The following UBASH3B variants were observed in gnomAD, a reference collection of about 807,000 sequenced individuals.
UBASH3B encodes the protein ubiquitin-associated and SH3 domain-containing protein B.
UBASH3B carries 37 observed loss-of-function variants against 83.4 expected under a neutral mutation model. The observed-to-expected ratio is 0.44, with a 90% CI of 0.34 to 0.58. The LOEUF (loss-of-function observed/expected upper bound fraction) is 0.58, where lower values mean the gene tolerates loss of function less well. Among genes scored for constraint, UBASH3B ranks in the 20% least tolerant of loss-of-function variants. The pLI, the probability that UBASH3B is intolerant of heterozygous loss-of-function variation, is 0.01. For missense variants in UBASH3B, 657 were observed against 827.2 expected (o/e 0.79, Z 2.52); for synonymous variants, 304 against 318.3 (o/e 0.96, Z 0.48).
chr11:122,749,434 G>A (rs1189754345), intron 1 of UBASH3B, among the ~76,000 whole-genome samples: 1 of 152,186 alleles, frequency 6.6e-6, no homozygotes, highest in Non-Finnish European at 1.5e-5. Flanking sequence ...ATTGTGCTTT[G>A]CATCTTACAT....
intron 1 of UBASH3B, among the ~76,000 whole-genome samples, chr11:122,751,583 T>C (rs1861200277): frequency 6.6e-6 from 1 of 152,236 alleles, no homozygotes; most frequent in Non-Finnish European, 1.5e-5. Context: ...GCCAGAACTG[T>C]TGTGCTGGCT....
At chr11:122,707,155 G>C (rs780215653) in intron 1 of UBASH3B, among the ~76,000 whole-genome samples, 1 of 152,008 alleles carries the variant, frequency 6.6e-6, no homozygotes, top group Admixed American at 6.6e-5. Context: ...ATCCACCCCC[G>C]CCTACCCCAT....
intron 1 of UBASH3B, among the ~76,000 whole-genome samples, chr11:122,765,087 CT>C (rs140210194): frequency 0.21 from 30,178 of 146,728 alleles, 3,441 homozygotes; most frequent in Non-Finnish European, 0.26. Flanking sequence ...CATAAAAGCC[CT>C]TTTTTTTTTT....
At chr11:122,791,173 C>T (rs1275917125) in intron 6 of UBASH3B, among the ~76,000 whole-genome samples, 1 of 152,204 alleles carries the variant, frequency 6.6e-6, no homozygotes, top group African/African-American at 2.4e-5. Flanking sequence ...AAACTAACAG[C>T]TTCCACAGCC....
chr11:122,729,070 A>G (rs1252091028), intron 1 of UBASH3B, among the ~76,000 whole-genome samples: 3 of 152,194 alleles, frequency 2.0e-5, no homozygotes, highest in Admixed American at 2.0e-4. Flanking sequence ...AAGTAGAGGG[A>G]GTACCAGAGA....
intron 1 of UBASH3B, among the ~76,000 whole-genome samples, chr11:122,701,491 TCA>T (rs780174979): frequency 5.3e-5 from 8 of 152,104 alleles, no homozygotes; most frequent in Non-Finnish European, 1.0e-4. Flanking sequence ...TGGGTAATAC[TCA>T]CAGTTTCCAA....
chr11:122,744,908 C>CAG (rs57081785), intron 1 of UBASH3B, among the ~76,000 whole-genome samples: 2 of 135,910 alleles, frequency 1.5e-5, no homozygotes, highest in East Asian at 4.3e-4. Flanking sequence ...TGCGCGCGCG[C>CAG]GCGCACTTGG....
intron 1 of UBASH3B, among the ~76,000 whole-genome samples, chr11:122,673,515 T>C (rs1012899308): frequency 2.0e-5 from 3 of 152,130 alleles, no homozygotes; most frequent in South Asian, 2.1e-4. Context: ...AAAAATTAGC[T>C]AGGCATGGTG....
At chr11:122,778,607 C>CTTT (rs960498187) in intron 3 of UBASH3B, among the ~76,000 whole-genome samples, 1 of 62,530 alleles carries the variant, frequency 1.6e-5, no homozygotes, top group Non-Finnish European at 3.3e-5. Flanking sequence ...TTTTCTTTTT[C>CTTT]TTTTTTTTTT....
intron 1 of UBASH3B, among the ~76,000 whole-genome samples, chr11:122,716,223 G>A (rs1860523037): frequency 6.6e-6 from 1 of 152,234 alleles, no homozygotes; most frequent in Admixed American, 6.5e-5. Context: ...CCAGACTGGA[G>A]TGCAGTGGCT....
intron 1 of UBASH3B, among the ~76,000 whole-genome samples, chr11:122,662,972 CTTTTTTTTTTT>C: frequency 9.0e-6 from 1 of 110,588 alleles, no homozygotes; most frequent in East Asian, 2.8e-4. Flanking sequence ...GCGCTAATGT[CTTTTTTTTTTT>C]TTTTTTTTTT....
At chr11:122,788,089 C>T (rs1860985535) in intron 5 of UBASH3B, among the ~76,000 whole-genome samples, 1 of 152,228 alleles carries the variant, frequency 6.6e-6, no homozygotes, top group African/African-American at 2.4e-5. Context: ...AAATAGCCAA[C>T]TGGCATGGCC....
At chr11:122,733,765 ATGTCT>A (rs1350104311) in intron 1 of UBASH3B, among the ~76,000 whole-genome samples, 1 of 152,242 alleles carries the variant, frequency 6.6e-6, no homozygotes, top group South Asian at 2.1e-4. Context: ...AGAAGAAGTA[ATGTCT>A]TGTCTTATTG....
At chr11:122,725,328 CAAAAAA>C (rs527272428) in intron 1 of UBASH3B, among the ~76,000 whole-genome samples, 2,401 of 87,972 alleles carry the variant, frequency 0.027, 89 homozygotes, top group African/African-American at 0.097. Flanking sequence ...GCACCATAAA[CAAAAAA>C]AAAAAAAAAA....
At chr11:122,744,073 A>T (rs1328275482) in intron 1 of UBASH3B, among the ~76,000 whole-genome samples, 1 of 152,148 alleles carries the variant, frequency 6.6e-6, no homozygotes, top group Non-Finnish European at 1.5e-5. Flanking sequence ...CGTCAGTGAG[A>T]TGTCCCTTTT....
In UBASH3B at chr11:122,813,063, TTTTA is replaced by T. The variant is rs1255853621; in HGVS notation, c.*3178_*3181del. 152 of 152,754 alleles carry T rather than the reference TTTTA, an allele frequency of 1.0e-3. 1 individual carries two copies. The highest frequency in any genetic ancestry group is 3.3e-3 in the African/African-American group (136 of 41,578). The allele number at this position is 152,754 out of a possible 1,614,324, so 9.5% of individuals were successfully genotyped here. On this transcript the variant is annotated 3_prime_UTR_variant, in exon 14 of 14. Transcript: ENST00000284273. ...TAATTATACTTTAACCAAAGAATTA[TTTTA>T]AAGTAACCTTATATTTAAAAGATGA...
rs183120354 is a variant in UBASH3B, at chr11:122,789,735, G to C, written c.980+427G>C. ...TAGAGAAGGGGGTTTCAAGAGGCAG[G>C]AGCCCTAACTGTATCCTTGATTTGC... On this transcript the variant is annotated intron_variant, in intron 6 of 13. Coordinates refer to ENST00000284273, the MANE Select transcript of UBASH3B (RefSeq NM_032873.5). 2.2e-4 allele frequency among the ~76,000 whole-genome samples: 34 copies of C among 152,266 alleles called. No homozygotes were observed. In the East Asian group the frequency reaches 3.9e-3, roughly 17 times the overall value.
chr11:122,671,299 G>A (rs959690496), intron 1 of UBASH3B, among the ~76,000 whole-genome samples: 1 of 152,100 alleles, frequency 6.6e-6, no homozygotes, highest in Non-Finnish European at 1.5e-5. Context: ...GATGAGGCAG[G>A]CAGATTGCTT....
In UBASH3B at chr11:122,754,395, A is replaced by G. The variant is rs946637045; in HGVS notation, c.162-21824A>G. On this transcript the variant is annotated intron_variant, in intron 1 of 13. Coordinates refer to ENST00000284273, the MANE Select transcript of UBASH3B (RefSeq NM_032873.5). Reference sequence around the variant, plus strand: ...TCTTTACTAGTGAACATAGAACAGTAATTGGAGGATCCCAACCTGTATTAC... The same window carrying G: ...TCTTTACTAGTGAACATAGAACAGTGATTGGAGGATCCCAACCTGTATTAC... 4.6e-5 allele frequency among the ~76,000 whole-genome samples: 7 copies of G among 152,204 alleles called. 1 individual carries two copies. Among genetic ancestry groups the G allele is most frequent in the Non-Finnish European group, 5.9e-5 (4 of 68,044 alleles).
Sources: allele counts gnomAD v4.1 joint callset (sites outside exome capture counted in the v4.1 genomes callset), GRCh38; gene constraint gnomAD v4.1.1; transcripts MANE v1.5; gene names NCBI Gene and HGNC (gene_info 2026-07-23, HGNC 2026-07-21).